The following RPS19 variants were observed in gnomAD, a reference collection of about 807,000 sequenced individuals.
RPS19 encodes the protein ribosomal protein S19.
RPS19 carries 1 observed loss-of-function variant against 20.3 expected under a neutral mutation model. The observed-to-expected ratio is 0.05, with a 90% CI of 0.02 to 0.23. The LOEUF (loss-of-function observed/expected upper bound fraction) is 0.23. Among genes scored for constraint, RPS19 ranks in the 10% least tolerant of loss-of-function variants. The pLI, the probability that RPS19 is intolerant of heterozygous loss-of-function variation, is 1.00. For synonymous variants in RPS19, 87 were observed against 74.8 expected, an observed-to-expected ratio of 1.16 and a Z score of -0.84; for missense variants, 111 against 192.7, an observed-to-expected ratio of 0.58 and a Z score of 2.51.
chr19:41,865,182 T>A (rs1411766580), intron 3 of RPS19, among the ~76,000 whole-genome samples: 1 of 151,916 alleles, frequency 6.6e-6, no homozygotes, highest in Non-Finnish European at 1.5e-5. Context: ...TCCTGACCAA[T>A]GTGGTGAAAC....
At chr19:41,860,931 C>T in intron 2 of RPS19, 86 bp downstream of exon 2, 2 of 1,319,840 alleles carry the variant, frequency 1.5e-6, no homozygotes. Flanking sequence ...CGGTCCCTGG[C>T]AGGCGAGGCT....
Position 41,869,075 on chromosome 19 carries a change from G to A in RPS19, c.217G>A (p.Gly73Ser). The A allele has an allele frequency of 6.2e-7, 1 of 1,613,808 alleles. No homozygotes were observed. The highest frequency in any genetic ancestry group is 8.5e-7 in the Non-Finnish European group (1 of 1,179,858). The change falls in exon 4 of 6, where the codon GGC (glycine) becomes AGC (serine). Residue 73 changes from glycine (G) to serine (S), a missense_variant. By Grantham distance (56) the Gly-to-Ser change is moderately conservative. Coordinates refer to ENST00000598742, the MANE Select transcript of RPS19 (RefSeq NM_001022.4). ...GTACCTCCGGGGTGGCGCTGGGGTT[G>A]GCTCCATGACCAAGATCTATGGGGG... ...HLYLRGGAGV[G>S]SMTKIYGGRQ... is the part of the protein sequence containing the mutation.
chr19:41,863,156 T>C (rs1555839688), intron 3 of RPS19, among the ~76,000 whole-genome samples: 1 of 152,220 alleles, frequency 6.6e-6, no homozygotes, highest in Non-Finnish European at 1.5e-5. Flanking sequence ...TAGCTGGGAC[T>C]ACAGGTGCCT....
Position 41,872,175 on chromosome 19 carries a change from A to G in RPS19, c.*798A>G, listed in dbSNP as rs1234062628. The G allele has an allele frequency of 6.6e-6, 1 of 152,286 alleles. No individual in the cohort carries two copies. Among genetic ancestry groups the G allele is most frequent in the African/African-American group, 2.4e-5 (1 of 41,474 alleles). The allele number at this position is 152,286 out of a possible 1,614,324, so 9.4% of individuals were successfully genotyped here. ...GGCAAGTGGGATGTGGCCTCCGCCC[A>G]TGATTGGGCACCTGGTCAGGCTGGG... is the stretch of plus-strand genomic sequence containing the variant. On this transcript the variant is annotated 3_prime_UTR_variant, in exon 6 of 6. Transcript: ENST00000598742.
rs371193394 is a variant in RPS19, at chr19:41,869,089, G to C, written c.231G>C (p.Lys77Asn). 2 of 1,613,696 alleles carry C rather than the reference G, an allele frequency of 1.2e-6. No homozygotes were observed. The highest frequency in any genetic ancestry group is 2.7e-5 in the African/African-American group (2 of 74,914). Reference sequence around the variant, plus strand: ...GCGCTGGGGTTGGCTCCATGACCAAGATCTATGGGGGACGTCAGAGAAACG... The same window carrying C: ...GCGCTGGGGTTGGCTCCATGACCAACATCTATGGGGGACGTCAGAGAAACG... ...RGGAGVGSMT[K>N]IYGGRQRNGV... The change falls in exon 4 of 6, where the codon AAG (lysine) becomes AAC (asparagine). Residue 77 changes from lysine to asparagine, a missense_variant. Coordinates refer to ENST00000598742, the MANE Select transcript of RPS19 (RefSeq NM_001022.4).
intron 5 of RPS19, 106 bp from the exon 6 acceptor site, chr19:41,871,245 C>A: frequency 1.1e-6 from 1 of 926,632 alleles, no homozygotes; most frequent in Non-Finnish European, 1.8e-6. Context: ...GCATTTGAAA[C>A]CACAAATCGG....
rs61762295 is a variant in RPS19 at position 41,869,280 on chromosome 19, G to A, written c.356+66G>A. ...GAGGCCCGGTCATCAATTCCCCAACGAATGGTCCTGCATAGTCTGCCCAGC... is the reference window on the plus strand; with the variant it reads ...GAGGCCCGGTCATCAATTCCCCAACAAATGGTCCTGCATAGTCTGCCCAGC... On this transcript the variant is annotated intron_variant, in intron 4 of 5. Coordinates refer to ENST00000598742, the MANE Select transcript of RPS19 (RefSeq NM_001022.4). The A allele has an allele frequency of 9.4e-5, 134 of 1,426,266 alleles. No homozygotes were observed. In the African/African-American group the frequency reaches 1.4e-3, roughly 15 times the overall value. The allele number at this position is 1,426,266 out of a possible 1,614,324, so 88.4% of individuals were successfully genotyped here. A position where few individuals can be genotyped will look rare whatever the true frequency, so the allele number is the denominator to read the frequency against.
At chr19:41,860,951 C>T in intron 2 of RPS19, 106 bp downstream of exon 2, 1 of 1,174,142 alleles carries the variant, frequency 8.5e-7, no homozygotes, top group Non-Finnish European at 1.3e-6. Context: ...TTGTTTGGGG[C>T]CTCCGTGGCT....
At chr19:41,869,537 C>T (rs1438724736) in intron 4 of RPS19, 162 bp from the exon 5 acceptor site, 6 of 709,308 alleles carry the variant, frequency 8.5e-6, no homozygotes, top group South Asian at 6.7e-5. Context: ...GGGGCTCCCA[C>T]TACTGCCCCC....
intron 3 of RPS19, among the ~76,000 whole-genome samples, chr19:41,866,080 C>A (rs112706519): frequency 0.023 from 3,474 of 151,804 alleles, 142 homozygotes; most frequent in African/African-American, 0.078. Context: ...GGTGAAACCC[C>A]ATCTCTACTA....
In RPS19 at chr19:41,861,183, A is replaced by T. The variant is rs782433952; in HGVS notation, c.143A>T (p.Tyr48Phe). Residue 48 changes from tyrosine to phenylalanine, a missense_variant, in exon 3 of 6, where the codon TAC becomes TTC. Tyr to Phe is a conservative substitution (Grantham distance 22). Transcript: ENST00000598742. ...GCCAAGCACAAAGAGCTTGCTCCCT[A>T]CGATGAGAACTGGTTCTACACGCGA... The part of the protein sequence containing the change: ...KLAKHKELAP[Y>F]DENWFYTRAA... The T allele has an allele frequency of 3.7e-6, 6 of 1,614,062 alleles. No homozygotes were observed. The highest frequency in any genetic ancestry group is 4.2e-6 in the Non-Finnish European group (5 of 1,179,952).
At chr19:41,866,114 G>A (rs1371591006) in intron 3 of RPS19, among the ~76,000 whole-genome samples, 3 of 151,988 alleles carry the variant, frequency 2.0e-5, no homozygotes, top group Admixed American at 6.6e-5. Flanking sequence ...TTAGCCAGGT[G>A]TGGTGGCGTG....
Position 41,872,620 on chromosome 19 carries a change from A to G in RPS19, c.*1243A>G, listed in dbSNP as rs1555842258. The G allele has an allele frequency of 3.3e-5, 5 of 152,286 alleles. No individual in the cohort carries two copies. The allele number at this position is 152,286 out of a possible 1,614,324, so 9.4% of individuals were successfully genotyped here. A position where few individuals can be genotyped will look rare whatever the true frequency, so the allele number is the denominator to read the frequency against. Reference sequence around the variant, plus strand: ...CGTAAGAGTTTAAGAAGTATCGGCCAGGCACAGTGGCTCACACCTGTAATC... The same window carrying G: ...CGTAAGAGTTTAAGAAGTATCGGCCGGGCACAGTGGCTCACACCTGTAATC... On this transcript the variant is annotated 3_prime_UTR_variant, in exon 6 of 6. Transcript: ENST00000598742.
At chr19:41,869,562 C>A in intron 4 of RPS19, 137 bp from the exon 5 acceptor site, 1 of 874,992 alleles carries the variant, frequency 1.1e-6, no homozygotes, top group Non-Finnish European at 1.9e-6. Flanking sequence ...CGTTAGAATG[C>A]ACCTGACTAG....
At chr19:41,868,062 C>T (rs1323760968) in intron 3 of RPS19, among the ~76,000 whole-genome samples, 3 of 152,094 alleles carry the variant, frequency 2.0e-5, no homozygotes, top group African/African-American at 7.2e-5. Flanking sequence ...GGAAGAACCC[C>T]CAATTCCCCC....
rs1346578593 is a variant in RPS19 at position 41,872,301 on chromosome 19, G to A, written c.*924G>A. On this transcript the variant is annotated 3_prime_UTR_variant, in exon 6 of 6. Transcript: ENST00000598742. Reference sequence around the variant, plus strand: ...GTGACCAGATGTCCCTCCCAGTTGGGAAGACTAAACTGGTTTGGCCAATAT... The same window carrying A: ...GTGACCAGATGTCCCTCCCAGTTGGAAAGACTAAACTGGTTTGGCCAATAT... 6.6e-6 allele frequency: 1 copy of A among 152,282 alleles called. No individual in the cohort carries two copies. Among genetic ancestry groups the A allele is most frequent in the Non-Finnish European group, 1.5e-5 (1 of 68,054 alleles). The allele number at this position is 152,282 out of a possible 1,614,324, so 9.4% of individuals were successfully genotyped here.
At chr19:41,865,304 G>T (rs995830919) in intron 3 of RPS19, among the ~76,000 whole-genome samples, 1 of 150,176 alleles carries the variant, frequency 6.7e-6, no homozygotes, top group African/African-American at 2.5e-5. Context: ...GGCAGAGGTT[G>T]CAGTGAGTCT....
In RPS19 at chr19:41,871,467, A is replaced by T. The variant is rs538219987; in HGVS notation, c.*90A>T. On this transcript the variant is annotated 3_prime_UTR_variant, in exon 6 of 6. Coordinates refer to ENST00000598742, the MANE Select transcript of RPS19 (RefSeq NM_001022.4). The stretch of plus-strand genomic sequence containing the variant: ...TCTCTTGCTCTGTCGCCCAGGCTGG[A>T]GTGCAGTGGCGCCATCTCAGCTCAC... The T allele has an allele frequency of 8.6e-7, 1 of 1,158,398 alleles. No homozygotes were observed. The highest frequency in any genetic ancestry group is 1.7e-5 in the Admixed American group (1 of 58,194). 71.8% of individuals were successfully genotyped at this position (1,158,398 alleles called of 1,614,324 possible).
intron 3 of RPS19, 106 bp downstream of exon 3, chr19:41,861,318 G>C: frequency 1.2e-6 from 1 of 818,680 alleles, no homozygotes; most frequent in African/African-American, 1.7e-5. Flanking sequence ...AAGAGGGAGA[G>C]AAACCCTTGG....
Sources: gnomAD v4.1 joint callset for allele counts (sites outside exome capture counted in the v4.1 genomes callset) on GRCh38, gnomAD v4.1.1 for gene constraint, MANE v1.5 for transcripts, NCBI Gene and HGNC (gene_info 2026-07-23, HGNC 2026-07-21) for gene names.